SLC24A3: variants seen among roughly 807,000 people sequenced by gnomAD.
The protein encoded by SLC24A3 is sodium/potassium/calcium exchanger 3.
A neutral mutation model predicts 75.8 loss-of-function variants in SLC24A3; 28 were observed. That is an observed-to-expected ratio of 0.37 (90% CI 0.27 to 0.51). SLC24A3 has a LOEUF of 0.51. Ranked by LOEUF, SLC24A3 falls within the 20% of genes least tolerant of loss-of-function variation. SLC24A3 has a pLI of 0.94. For synonymous variants in SLC24A3, 372 were observed against 334.1 expected (o/e 1.11, Z -1.24); for missense variants, 663 against 847.8 (o/e 0.78, Z 2.71).
intron 3 of SLC24A3, among the ~76,000 whole-genome samples, chr20:19,543,706 T>A (rs899867218): frequency 3.3e-5 from 5 of 152,182 alleles, no homozygotes; most frequent in Non-Finnish European, 5.9e-5. Context: ...GTCACCATGC[T>A]TTGTGCGTAG....
intron 2 of SLC24A3, among the ~76,000 whole-genome samples, chr20:19,504,928 T>A (rs1336551431): frequency 1.3e-5 from 2 of 152,246 alleles, no homozygotes; most frequent in African/African-American, 2.4e-5. Flanking sequence ...CTGGGAAAAC[T>A]ACATTATTCA....
intron 6 of SLC24A3, among the ~76,000 whole-genome samples, chr20:19,596,200 T>C (rs1258775440): frequency 3.3e-5 from 5 of 152,186 alleles, no homozygotes; most frequent in Non-Finnish European, 7.3e-5. Context: ...AGGGGCATGA[T>C]GGTGGCCGGG....
rs1422948421 is a variant in SLC24A3, at chr20:19,212,948, C to T, written c.106C>T (p.Leu36=). The change falls in exon 1 of 17, where the codon CTG becomes TTG. Residue 36 remains leucine (L), a synonymous_variant. Coordinates refer to ENST00000328041, the MANE Select transcript of SLC24A3 (RefSeq NM_020689.4). ...CTGCTTCCTGGCCTCGGTGGCGCTG[C>T]TGCTCTGGTCGCTGTCGAGCCTGCG... ...QLCFLASVAL[L]LWSLSSLREQ... 2.3e-6 allele frequency: 3 copies of T among 1,328,686 alleles called. No homozygotes were observed. The highest frequency in any genetic ancestry group is 2.3e-5 in the South Asian group (1 of 43,160). The allele number at this position is 1,328,686 out of a possible 1,614,324, so 82.3% of individuals were successfully genotyped here. A position where few individuals can be genotyped will look rare whatever the true frequency, so the allele number is the denominator to read the frequency against.
At chr20:19,467,716 A>C (rs962592844) in intron 2 of SLC24A3, among the ~76,000 whole-genome samples, 1 of 152,126 alleles carries the variant, frequency 6.6e-6, no homozygotes, top group African/African-American at 2.4e-5. Flanking sequence ...CCCCATCTCC[A>C]CTAAAAATAC....
At chr20:19,261,037 C>G (rs889307293) in intron 1 of SLC24A3, among the ~76,000 whole-genome samples, 3 of 152,204 alleles carry the variant, frequency 2.0e-5, no homozygotes, top group African/African-American at 7.2e-5. Flanking sequence ...AGCCCCAGCC[C>G]CTCCTCATGA....
chr20:19,580,982 C>A (rs2031210978), intron 4 of SLC24A3, among the ~76,000 whole-genome samples: 1 of 152,168 alleles, frequency 6.6e-6, no homozygotes, highest in Non-Finnish European at 1.5e-5. Context: ...TCAGGTGATG[C>A]TGAGGCTGCT....
intron 2 of SLC24A3, among the ~76,000 whole-genome samples, chr20:19,312,566 C>T (rs986821856): frequency 4.6e-5 from 7 of 152,228 alleles, no homozygotes; most frequent in African/African-American, 1.7e-4. Context: ...TGGGATTCTT[C>T]ATGATCTCTT....
At chr20:19,713,984 A>G (rs1200802501) in intron 15 of SLC24A3, among the ~76,000 whole-genome samples, 1 of 152,188 alleles carries the variant, frequency 6.6e-6, no homozygotes, top group African/African-American at 2.4e-5. Context: ...CAGAGAGGAA[A>G]TATTTTAAGC....
intron 2 of SLC24A3, among the ~76,000 whole-genome samples, chr20:19,362,183 C>T (rs1985802761): frequency 6.6e-6 from 1 of 152,228 alleles, no homozygotes; most frequent in Non-Finnish European, 1.5e-5. Flanking sequence ...ATCTCGCATT[C>T]TCTGGCAACA....
Position 19,270,790 on chromosome 20 carries a change from G to T in SLC24A3, c.143-10169G>T, listed in dbSNP as rs116063831. 8.3e-3 allele frequency among the ~76,000 whole-genome samples: 1,266 copies of T among 152,028 alleles called. 15 individuals are homozygous for T. The highest frequency in any genetic ancestry group is 0.029 in the African/African-American group (1,186 of 41,444). On this transcript the variant is annotated intron_variant, in intron 1 of 16. Coordinates refer to ENST00000328041, the MANE Select transcript of SLC24A3 (RefSeq NM_020689.4). ...GAGAGATAGAGTTAGAGGGGGAGGG[G>T]GAAGAGAAGGGGTGGAAGAAAGAGA...
chr20:19,664,574 G>T (rs537511851), intron 7 of SLC24A3, among the ~76,000 whole-genome samples: 10 of 152,286 alleles, frequency 6.6e-5, no homozygotes, highest in Middle Eastern at 6.8e-3. Context: ...TGTTCTCTAC[G>T]TCTCTACCCA....
intron 6 of SLC24A3, among the ~76,000 whole-genome samples, chr20:19,637,507 A>G (rs537868870): frequency 1.3e-5 from 2 of 152,356 alleles, no homozygotes; most frequent in East Asian, 1.9e-4. Context: ...AATAGGGAGT[A>G]GGCCAGCACA....
chr20:19,642,562 C>G (rs2032088846), intron 6 of SLC24A3, among the ~76,000 whole-genome samples: 1 of 152,150 alleles, frequency 6.6e-6, no homozygotes, highest in Non-Finnish European at 1.5e-5. Context: ...ACCCATTCTC[C>G]CTTGTCTCAG....
intron 6 of SLC24A3, among the ~76,000 whole-genome samples, chr20:19,643,475 C>T (rs1055872993): frequency 6.6e-6 from 1 of 152,190 alleles, no homozygotes; most frequent in Admixed American, 6.5e-5. Context: ...ACAGCTGGCT[C>T]TTCTGTCTTT....
chr20:19,261,939 CAGGG>C (rs1983003744), intron 1 of SLC24A3: 1 of 152,208 alleles, frequency 6.6e-6, no homozygotes, highest in Admixed American at 6.5e-5. Context: ...GCTGTTTCTG[CAGGG>C]AGTGTGGGTG....
chr20:19,234,952 T>C (rs1353580225), intron 1 of SLC24A3, among the ~76,000 whole-genome samples: 2 of 152,196 alleles, frequency 1.3e-5, no homozygotes, highest in Non-Finnish European at 2.9e-5. Context: ...TGGAATACGG[T>C]GTGACTGTGT....
chr20:19,279,066 T>A (rs1408132946), intron 1 of SLC24A3, among the ~76,000 whole-genome samples: 1 of 152,230 alleles, frequency 6.6e-6, no homozygotes, highest in Non-Finnish European at 1.5e-5. Context: ...AGAGGCAATG[T>A]CCACACTCTC....
chr20:19,356,912 T>A (rs1985697140), intron 2 of SLC24A3, among the ~76,000 whole-genome samples: 1 of 152,164 alleles, frequency 6.6e-6, no homozygotes, highest in Admixed American at 6.5e-5. Context: ...GGTATTTCAA[T>A]GTGGTTTTAA....
intron 2 of SLC24A3, among the ~76,000 whole-genome samples, chr20:19,311,899 C>T (rs1024725961): frequency 1.3e-5 from 2 of 152,222 alleles, no homozygotes; most frequent in Admixed American, 6.5e-5. Context: ...AACATGGCTG[C>T]CGGTGCTGTG....
Sources: allele counts gnomAD v4.1 joint callset (sites outside exome capture counted in the v4.1 genomes callset), GRCh38; gene constraint gnomAD v4.1.1; transcripts MANE v1.5; gene names NCBI Gene and HGNC (gene_info 2026-07-23, HGNC 2026-07-21).